The following POLD3 variants were observed in gnomAD, a reference collection of about 807,000 sequenced individuals.
The protein encoded by POLD3 is DNA polymerase delta 3, accessory subunit, also known as DNA polymerase delta subunit 3.
Under a neutral mutation model 58.2 loss-of-function variants are expected in POLD3, and 19 were observed. The observed-to-expected ratio is 0.33, with a 90% CI of 0.23 to 0.48. The LOEUF is 0.48. Among genes scored for constraint, POLD3 ranks in the 20% least tolerant of loss-of-function variants. The pLI, the probability that POLD3 is intolerant of heterozygous loss-of-function variation, is 0.99. For synonymous variants in POLD3, 172 were observed against 193.5 expected, an observed-to-expected ratio of 0.89 and a Z score of 0.92; for missense variants, 504 against 545.5, an observed-to-expected ratio of 0.92 and a Z score of 0.76.
chr11:74,647,164 A>G (rs1207316139), downstream of POLD3, among the ~76,000 whole-genome samples: 1 of 152,122 alleles, frequency 6.6e-6, no homozygotes, highest in Non-Finnish European at 1.5e-5. Context: ...CCTGCTGCTC[A>G]CCTCCTGCTG....
chr11:74,641,329 TCCTC>T lies in POLD3; in HGVS notation c.*565_*568del. On this transcript the variant is annotated 3_prime_UTR_variant, in exon 12 of 12. Coordinates refer to ENST00000263681, the MANE Select transcript of POLD3 (RefSeq NM_006591.3). ...AGTGAAAATCTCCCTGTAATCCTCT[TCCTC>T]CATTATGCAGTACACGGACACCTGG... is the stretch of plus-strand genomic sequence containing the variant. 1.0e-6 allele frequency: 1 copy of T among 985,402 alleles called. No homozygotes were observed. The highest frequency in any genetic ancestry group is 1.2e-6 in the Non-Finnish European group (1 of 829,946). 61.0% of individuals were successfully genotyped at this position (985,402 alleles called of 1,614,324 possible). A position where few individuals can be genotyped will look rare whatever the true frequency, so the allele number is the denominator to read the frequency against.
At chr11:74,645,946 T>A (rs1450833966), downstream of POLD3, among the ~76,000 whole-genome samples, 2 of 151,790 alleles carry the variant, frequency 1.3e-5, no homozygotes, top group Non-Finnish European at 2.9e-5. Context: ...TGATGTTTTT[T>A]TTTTTTTTTT....
chr11:74,605,705 A>G (rs1428943822), intron 3 of POLD3, among the ~76,000 whole-genome samples: 2 of 152,118 alleles, frequency 1.3e-5, no homozygotes, highest in East Asian at 3.9e-4. Flanking sequence ...TTTCCCTCAG[A>G]ATCATAAGTT....
At chr11:74,617,533 C>G (rs191192572) in intron 5 of POLD3, among the ~76,000 whole-genome samples, 2 of 152,018 alleles carry the variant, frequency 1.3e-5, no homozygotes, top group African/African-American at 4.8e-5. Flanking sequence ...TCCTGAGTAG[C>G]TGGGACTACA....
intron 4 of POLD3, among the ~76,000 whole-genome samples, chr11:74,656,519 G>A (rs768351571): frequency 7.9e-5 from 12 of 152,228 alleles, no homozygotes; most frequent in African/African-American, 2.4e-4. Flanking sequence ...CCCGGGAGGC[G>A]GAGGTTGCAG....
chr11:74,593,116 T>C, intron 1 of POLD3: 1 of 778,698 alleles, frequency 1.3e-6, no homozygotes, highest in Non-Finnish European at 1.6e-6. Flanking sequence ...TTGCGTAACC[T>C]CCAGATACTG....
In POLD3 at chr11:74,640,893, T is replaced by C; in HGVS notation, c.*127T>C. 1.3e-5 allele frequency: 17 copies of C among 1,330,622 alleles called. No homozygotes were observed. Among genetic ancestry groups the C allele is most frequent in the Non-Finnish European group, 1.6e-5 (17 of 1,040,220 alleles). The allele number at this position is 1,330,622 out of a possible 1,614,324, so 82.4% of individuals were successfully genotyped here. ...CCTGTATCAAAAGACTGTTCTTTCATCCTGTGAGGTTTATACTATTTCTGG... is the reference window on the plus strand; with the variant it reads ...CCTGTATCAAAAGACTGTTCTTTCACCCTGTGAGGTTTATACTATTTCTGG... On this transcript the variant is annotated 3_prime_UTR_variant, in exon 12 of 12. Coordinates refer to ENST00000263681, the MANE Select transcript of POLD3 (RefSeq NM_006591.3).
At chr11:74,609,500 C>T (rs2031833253) in intron 3 of POLD3, among the ~76,000 whole-genome samples, 1 of 149,566 alleles carries the variant, frequency 6.7e-6, no homozygotes, top group South Asian at 2.1e-4. Context: ...TCCACCTCAG[C>T]CTCCCGAGTA....
chr11:74,619,690 T>C (rs1232987297), intron 6 of POLD3, among the ~76,000 whole-genome samples: 1 of 152,226 alleles, frequency 6.6e-6, no homozygotes, highest in African/African-American at 2.4e-5. Flanking sequence ...GTTTTCCCGC[T>C]TTGTGTACAT....
At chr11:74,613,779 G>A (rs72977298) in intron 5 of POLD3, among the ~76,000 whole-genome samples, 8,098 of 152,212 alleles carry the variant, frequency 0.053, 296 homozygotes, top group Middle Eastern at 0.078. Context: ...GAATGTGCCC[G>A]CGTACCTTTT....
At chr11:74,595,144 C>T (rs1360563860) in intron 2 of POLD3, 2 of 150,148 alleles carry the variant, frequency 1.3e-5, no homozygotes, top group Non-Finnish European at 3.0e-5. Context: ...TTTTTTCCCT[C>T]AGACTTCTCA....
intron 2 of POLD3, chr11:74,595,645 G>A (rs1437041792): frequency 6.6e-6 from 1 of 152,174 alleles, no homozygotes; most frequent in Admixed American, 6.6e-5. Context: ...GAGACAGGAT[G>A]TCACTCTGTT....
chr11:74,662,766 C>G (rs2033220092), intron 4 of POLD3, among the ~76,000 whole-genome samples: 1 of 152,112 alleles, frequency 6.6e-6, no homozygotes, highest in Non-Finnish European at 1.5e-5. Context: ...GAGTTGCAGT[C>G]CTTGTGGCAC....
intron 2 of POLD3, among the ~76,000 whole-genome samples, chr11:74,603,186 T>G: frequency 6.6e-6 from 1 of 152,232 alleles, no homozygotes; most frequent in South Asian, 2.1e-4. Context: ...TTTTGTTGAT[T>G]GAATGACTTG....
rs189474230 is a variant in POLD3 at position 74,639,555 on chromosome 11, A to T, written c.1199-1009A>T. Among the ~76,000 whole-genome samples, 7 of 152,368 alleles carry T rather than the reference A, an allele frequency of 4.6e-5. No individual in the cohort carries two copies. In the East Asian group the frequency reaches 1.3e-3, roughly 29 times the overall value. On this transcript the variant is annotated intron_variant, in intron 11 of 11. Coordinates refer to ENST00000263681, the MANE Select transcript of POLD3 (RefSeq NM_006591.3). The stretch of plus-strand genomic sequence containing the variant: ...CCAGGAAGGCTGAGAAAGAATTTAG[A>T]TAGCATTGGTTATACAGCTGCCACA...
chr11:74,609,230 CA>C (rs1375251184), intron 3 of POLD3, among the ~76,000 whole-genome samples: 2 of 151,044 alleles, frequency 1.3e-5, no homozygotes, highest in African/African-American at 4.9e-5. Flanking sequence ...GCCACCAATT[CA>C]ATATCTAGTT....
At chr11:74,603,287 TAGTC>T (rs749171460) in intron 2 of POLD3, among the ~76,000 whole-genome samples, 52 of 152,252 alleles carry the variant, frequency 3.4e-4, no homozygotes, top group Non-Finnish European at 6.3e-4. Flanking sequence ...GGAATTGAAA[TAGTC>T]TAGTCAAGAG....
chr11:74,668,126 G>T (rs2033295103), intron 4 of POLD3, among the ~76,000 whole-genome samples: 2 of 152,210 alleles, frequency 1.3e-5, no homozygotes, highest in Non-Finnish European at 2.9e-5. Flanking sequence ...TCCACAGCTG[G>T]TGGGAATATA....
At chr11:74,631,692 CACGCTGGTCTTGA>C (rs1301678676) in intron 9 of POLD3, among the ~76,000 whole-genome samples, 2 of 151,964 alleles carry the variant, frequency 1.3e-5, no homozygotes, top group Non-Finnish European at 2.9e-5. Flanking sequence ...CCATGTTGGC[CACGCTGGTCTTGA>C]ACTCCTGACC....
Sources: gnomAD v4.1 joint callset for allele counts (sites outside exome capture counted in the v4.1 genomes callset) on GRCh38, gnomAD v4.1.1 for gene constraint, MANE v1.5 for transcripts, NCBI Gene and HGNC (gene_info 2026-07-23, HGNC 2026-07-21) for gene names.